RGS7: variants seen among roughly 807,000 people sequenced by gnomAD.
The protein encoded by RGS7 is regulator of G protein signaling 7, also known as regulator of G-protein signaling 7.
In RGS7, 27 loss-of-function variants were observed where a neutral mutation model predicts 81.1. The ratio of observed to expected loss-of-function variants is 0.33; its 90% CI spans 0.25 to 0.46. RGS7 has a LOEUF of 0.46. Ranked by LOEUF, RGS7 falls within the 20% of genes least tolerant of loss-of-function variation. RGS7 has a pLI of 1.00. For missense variants in RGS7, 396 were observed against 607.4 expected (o/e 0.65, Z 3.66); for synonymous variants, 208 against 207.7 (o/e 1.00, Z -0.01).
At chr1:240,830,328 G>T (rs1693610363) in intron 9 of RGS7, among the ~76,000 whole-genome samples, 1 of 152,216 alleles carries the variant, frequency 6.6e-6, no homozygotes. Flanking sequence ...GGAAGCAGAT[G>T]TCTGAAACAC....
intron 2 of RGS7, among the ~76,000 whole-genome samples, chr1:241,242,152 C>T (rs2076289098): frequency 1.3e-5 from 2 of 152,014 alleles, no homozygotes; most frequent in African/African-American, 2.4e-5. Flanking sequence ...ATTCTTAGGC[C>T]TTTGCGTCCT....
At chr1:241,095,564 A>G (rs1572669000) in intron 3 of RGS7, among the ~76,000 whole-genome samples, 1 of 152,162 alleles carries the variant, frequency 6.6e-6, no homozygotes, top group African/African-American at 2.4e-5. Context: ...CTGAGGCAGG[A>G]GGATTGCTTG....
At chr1:241,224,188 C>T (rs1165078926) in intron 2 of RGS7, among the ~76,000 whole-genome samples, 1 of 151,888 alleles carries the variant, frequency 6.6e-6, no homozygotes, top group Non-Finnish European at 1.5e-5. Flanking sequence ...TGGTGGTTTG[C>T]TACACCCATC....
intron 2 of RGS7, among the ~76,000 whole-genome samples, chr1:241,291,570 C>CTTTTTTTTTT (rs397947911): frequency 4.0e-4 from 38 of 94,144 alleles, no homozygotes; most frequent in African/African-American, 1.2e-3. Flanking sequence ...GAATTCCCAG[C>CTTTTTTTTTT]TTTTTTTTTT....
intron 2 of RGS7, among the ~76,000 whole-genome samples, chr1:241,325,653 A>G (rs1278476850): frequency 6.6e-6 from 1 of 152,096 alleles, no homozygotes; most frequent in Non-Finnish European, 1.5e-5. Context: ...TTATACAGAG[A>G]CCATTTGGCA....
intron 5 of RGS7, among the ~76,000 whole-genome samples, chr1:240,934,876 CTTTTTTTTTTTT>C (rs555195177): frequency 0.02 from 1,365 of 67,008 alleles, 8 homozygotes; most frequent in Non-Finnish European, 0.031. Context: ...CTTCACATGG[CTTTTTTTTTTTT>C]TTTTTTTTTT....
intron 3 of RGS7, among the ~76,000 whole-genome samples, chr1:241,031,930 G>A (rs1317739909): frequency 6.6e-6 from 1 of 152,162 alleles, no homozygotes; most frequent in Non-Finnish European, 1.5e-5. Context: ...CAGGCTGTCT[G>A]TTCACTCTGT....
At chr1:241,089,355 T>C (rs1352452087) in intron 3 of RGS7, among the ~76,000 whole-genome samples, 4 of 151,580 alleles carry the variant, frequency 2.6e-5, no homozygotes, top group Non-Finnish European at 5.9e-5. Flanking sequence ...ACATACCATT[T>C]TGGCATATTG....
At chr1:241,099,741 T>A (rs1302433334) in intron 2 of RGS7, among the ~76,000 whole-genome samples, 1 of 152,194 alleles carries the variant, frequency 6.6e-6, no homozygotes, top group Non-Finnish European at 1.5e-5. Flanking sequence ...CATTTACTCA[T>A]TCCACAACCA....
chr1:240,966,879 ATC>A (rs1682391334), intron 4 of RGS7, among the ~76,000 whole-genome samples: 1 of 152,228 alleles, frequency 6.6e-6, no homozygotes, highest in East Asian at 1.9e-4. Context: ...AGATAAAACA[ATC>A]TATTTTTTTA....
rs545995842 is a variant in RGS7 at position 241,053,768 on chromosome 1, C to T, written c.175+44898G>A. ...TGGGAGATAACTGAATCAAGGGGGGCAGTTTCTCCCAAACTGTTCTCATGG... is the reference window on the plus strand; with the variant it reads ...TGGGAGATAACTGAATCAAGGGGGGTAGTTTCTCCCAAACTGTTCTCATGG... On this transcript the variant is annotated intron_variant, in intron 3 of 18. Coordinates refer to ENST00000440928, the MANE Select transcript of RGS7 (RefSeq NM_001364886.1). Among the ~76,000 whole-genome samples, 5 of 152,304 alleles carry T rather than the reference C, an allele frequency of 3.3e-5. No homozygotes were observed. In the South Asian group the frequency reaches 8.3e-4, roughly 25 times the overall value.
chr1:241,225,081 G>A (rs1279636787), intron 2 of RGS7, among the ~76,000 whole-genome samples: 1 of 152,062 alleles, frequency 6.6e-6, no homozygotes, highest in Non-Finnish European at 1.5e-5. Context: ...AGCCTGGGCT[G>A]TCAGTATACC....
chr1:241,123,326 G>T (rs912245785), intron 2 of RGS7, among the ~76,000 whole-genome samples: 6 of 152,118 alleles, frequency 3.9e-5, no homozygotes, highest in African/African-American at 1.4e-4. Context: ...TAAAATAACT[G>T]CCTTAGTTCA....
At chr1:240,900,733 C>G (rs572328597) in intron 6 of RGS7, among the ~76,000 whole-genome samples, 2 of 152,180 alleles carry the variant, frequency 1.3e-5, no homozygotes, top group African/African-American at 4.8e-5. Context: ...TTAGGCTACT[C>G]GGGGGTCAGG....
chr1:241,208,846 G>C (rs983068927), intron 2 of RGS7, among the ~76,000 whole-genome samples: 2 of 152,156 alleles, frequency 1.3e-5, no homozygotes, highest in African/African-American at 4.8e-5. Flanking sequence ...ACAATTAATA[G>C]AGAGATAGCC....
At chr1:241,196,653 G>T (rs146452539) in intron 2 of RGS7, among the ~76,000 whole-genome samples, 28 of 152,100 alleles carry the variant, frequency 1.8e-4, no homozygotes, top group African/African-American at 6.5e-4. Context: ...AAGGAATGAA[G>T]AGTAACTAAA....
intron 2 of RGS7, among the ~76,000 whole-genome samples, chr1:241,223,220 C>T (rs1213555634): frequency 6.6e-6 from 1 of 152,130 alleles, no homozygotes; most frequent in African/African-American, 2.4e-5. Flanking sequence ...ATGTTAGTTA[C>T]ATCAAGTAAT....
intron 18 of RGS7, among the ~76,000 whole-genome samples, chr1:240,790,100 C>T (rs754154327): frequency 1.8e-4 from 27 of 152,096 alleles, no homozygotes; most frequent in Admixed American, 2.6e-4. Context: ...CGCCCAATAG[C>T]GCATGCCTGT....
intron 9 of RGS7, among the ~76,000 whole-genome samples, chr1:240,854,212 G>A (rs1300778769): frequency 9.9e-5 from 15 of 152,206 alleles, no homozygotes; most frequent in Admixed American, 6.5e-4. Flanking sequence ...GCAAGATCAC[G>A]GACTTTGATC....
Sources: gnomAD v4.1 joint callset for allele counts (sites outside exome capture counted in the v4.1 genomes callset) on GRCh38, gnomAD v4.1.1 for gene constraint, MANE v1.5 for transcripts, NCBI Gene and HGNC (gene_info 2026-07-23, HGNC 2026-07-21) for gene names.